CFAP77: variants seen among roughly 807,000 people sequenced by gnomAD.
CFAP77 encodes the protein cilia- and flagella-associated protein 77.
CFAP77 carries 25 observed loss-of-function variants against 31.1 expected under a neutral mutation model. The ratio of observed to expected loss-of-function variants is 0.80; its 90% CI spans 0.59 to 1.12. The LOEUF (loss-of-function observed/expected upper bound fraction) is 1.12. Ranked by LOEUF, CFAP77 falls within the 50% of genes most tolerant of loss-of-function variation. The pLI is 0.00. For synonymous variants in CFAP77, 151 were observed against 159.9 expected, an observed-to-expected ratio of 0.94 and a Z score of 0.42; for missense variants, 377 against 397.3, an observed-to-expected ratio of 0.95 and a Z score of 0.44.
chr9:132,423,300 A>C (rs1251985620), intron 1 of CFAP77, among the ~76,000 whole-genome samples: 1 of 152,184 alleles, frequency 6.6e-6, no homozygotes, highest in African/African-American at 2.4e-5. Flanking sequence ...CACGGGTCTG[A>C]CTTCTCCCGG....
rs1186695953 is a variant in CFAP77, at chr9:132,480,249, C to G, written c.196-18446C>G. Among the ~76,000 whole-genome samples, 1 of 152,108 alleles carries G rather than the reference C, an allele frequency of 6.6e-6. No homozygotes were observed. The highest frequency in any genetic ancestry group is 1.5e-5 in the Non-Finnish European group (1 of 68,000). ...CATGAGGTGGGAAACTGCTCAGCTC[C>G]CCTGCCCACCCACCCTGCTCTGGGT... On this transcript the variant is annotated intron_variant, in intron 1 of 5. Coordinates refer to ENST00000393216, the MANE Select transcript of CFAP77 (RefSeq NM_001282957.2). The surrounding 1 kb of genome is among the most constrained non-coding windows in gnomAD (Gnocchi z 5.8).
At chr9:132,516,566 A>G (rs1035918813) in intron 3 of CFAP77, among the ~76,000 whole-genome samples, 6 of 149,686 alleles carry the variant, frequency 4.0e-5, no homozygotes, top group Admixed American at 3.3e-4. Flanking sequence ...ACATAAAACA[A>G]CACATGATTA....
At position 132,497,967 on chromosome 9, in the gene CFAP77, G is replaced by A. The variant is rs971123193; in HGVS notation, c.196-728G>A. Among the ~76,000 whole-genome samples, 13 of 152,272 alleles carry A rather than the reference G, an allele frequency of 8.5e-5. No individual in the cohort carries two copies. The highest frequency in any genetic ancestry group is 5.2e-4 in the Admixed American group (8 of 15,300). ...GCCTCCATGCGATGCCCTGCCCAGCGCTTGGGGGCCGGGGATATCGACCCT... is the reference window on the plus strand; with the variant it reads ...GCCTCCATGCGATGCCCTGCCCAGCACTTGGGGGCCGGGGATATCGACCCT... On this transcript the variant is annotated intron_variant, in intron 1 of 5. Transcript: ENST00000393216. This position sits in a 1 kb window ranked among gnomAD's most constrained non-coding sequence, Gnocchi z 4.9.
intron 1 of CFAP77, among the ~76,000 whole-genome samples, chr9:132,432,559 G>A (rs910265461): frequency 2.0e-5 from 3 of 149,056 alleles, no homozygotes; most frequent in African/African-American, 7.4e-5. Flanking sequence ...TTAAGATGGA[G>A]CTTGCTTTGT....
chr9:132,472,673 G>A lies in CFAP77; in HGVS notation c.196-26022G>A, dbSNP rs762264638. Among the ~76,000 whole-genome samples, 3 of 152,262 alleles carry A rather than the reference G, an allele frequency of 2.0e-5. No homozygotes were observed. The East Asian group carries it at 5.8e-4, about 29-fold the overall frequency. ...TCCCAGCTATGCAGGAGGCTGTGGC[G>A]GGAAGATCACTTGAGCCGAGGAGAT... is the stretch of plus-strand genomic sequence containing the variant. On this transcript the variant is annotated intron_variant, in intron 1 of 5. Coordinates refer to ENST00000393216, the MANE Select transcript of CFAP77 (RefSeq NM_001282957.2).
intron 3 of CFAP77, among the ~76,000 whole-genome samples, chr9:132,514,522 G>A (rs759422919): frequency 3.3e-5 from 5 of 152,132 alleles, no homozygotes; most frequent in East Asian, 1.9e-4. Context: ...CTGCCCAGTC[G>A]GTTTCTGAGT....
At chr9:132,492,467 C>T (rs2118941917) in intron 1 of CFAP77, among the ~76,000 whole-genome samples, 1 of 152,328 alleles carries the variant, frequency 6.6e-6, no homozygotes, top group South Asian at 2.1e-4. Context: ...GAGATGAGGT[C>T]TGTGCACATG....
At chr9:132,472,584 C>T (rs1349756102) in intron 1 of CFAP77, among the ~76,000 whole-genome samples, 2 of 152,144 alleles carry the variant, frequency 1.3e-5, no homozygotes, top group Non-Finnish European at 2.9e-5. Context: ...TAGTGAGACC[C>T]GCATTTCTAC....
intron 1 of CFAP77, among the ~76,000 whole-genome samples, chr9:132,457,180 G>C (rs945026502): frequency 5.7e-4 from 86 of 151,972 alleles, no homozygotes; most frequent in Non-Finnish European, 1.6e-4. Context: ...CAAGGTTTGC[G>C]TATTCTCTGG....
chr9:132,550,357 A>G (rs1299988508), intron 5 of CFAP77, among the ~76,000 whole-genome samples: 1 of 152,162 alleles, frequency 6.6e-6, no homozygotes, highest in Non-Finnish European at 1.5e-5. Context: ...CAAGAGTCTC[A>G]TGTTGAATTT....
chr9:132,506,852 C>A (rs992859747), intron 3 of CFAP77, among the ~76,000 whole-genome samples: 1 of 152,156 alleles, frequency 6.6e-6, no homozygotes, highest in African/African-American at 2.4e-5. Flanking sequence ...GAGGTCAAGT[C>A]ATTTGGCTTC....
intron 3 of CFAP77, among the ~76,000 whole-genome samples, chr9:132,513,676 G>T (rs1852082883): frequency 6.6e-6 from 1 of 152,138 alleles, no homozygotes; most frequent in South Asian, 2.1e-4. Flanking sequence ...TCTCTCTACT[G>T]CTAAGGTGTT....
At chr9:132,519,009 G>A (rs186944752) in intron 3 of CFAP77, among the ~76,000 whole-genome samples, 9 of 152,160 alleles carry the variant, frequency 5.9e-5, no homozygotes, top group Admixed American at 4.6e-4. Context: ...TCAGTCTCTC[G>A]AGTTGTTGTC....
intron 5 of CFAP77, among the ~76,000 whole-genome samples, chr9:132,548,286 G>GGGGGGGGGGGGGGCCCCCC (rs1564248910): frequency 2.3e-5 from 3 of 129,000 alleles, no homozygotes; most frequent in South Asian, 3.0e-4. Context: ...GGGGGGTGGG[G>GGGGGGGGGGGGGGCCCCCC]GGTGAAGCTG....
chr9:132,543,544 GC>G (rs760461392), intron 5 of CFAP77, among the ~76,000 whole-genome samples: 59 of 152,352 alleles, frequency 3.9e-4, no homozygotes, highest in African/African-American at 1.0e-3. Context: ...TCTCCCTGGG[GC>G]AGGGGCTGTC....
intron 1 of CFAP77, among the ~76,000 whole-genome samples, chr9:132,438,539 ATATT>A (rs1210274481): frequency 2.8e-4 from 32 of 115,402 alleles, no homozygotes; most frequent in Admixed American, 5.1e-4. Context: ...ATATATATAT[ATATT>A]TTTTTTTTTT....
intron 1 of CFAP77, among the ~76,000 whole-genome samples, chr9:132,425,408 A>G (rs1186172626): frequency 2.0e-5 from 3 of 151,576 alleles, no homozygotes; most frequent in Admixed American, 6.6e-5. Context: ...CCCTCTCTCA[A>G]TGCTCCCCCC....
At chr9:132,525,932 A>G (rs1852351737) in intron 3 of CFAP77, among the ~76,000 whole-genome samples, 1 of 152,192 alleles carries the variant, frequency 6.6e-6, no homozygotes, top group Admixed American at 6.5e-5. Flanking sequence ...ATTCCATGGT[A>G]TGGATGGAAT....
intron 1 of CFAP77, among the ~76,000 whole-genome samples, chr9:132,412,402 G>A (rs1466392317): frequency 6.6e-6 from 1 of 152,200 alleles, no homozygotes; most frequent in East Asian, 1.9e-4. Context: ...TTCTGGAGCA[G>A]TTAAGATGAC....
Sources: allele counts gnomAD v4.1 joint callset (sites outside exome capture counted in the v4.1 genomes callset), GRCh38; gene constraint gnomAD v4.1.1; non-coding constraint Gnocchi (gnomAD v3.1); transcripts MANE v1.5; gene names NCBI Gene and HGNC (gene_info 2026-07-23, HGNC 2026-07-21).